The following ZNF385A variants were observed in gnomAD, a reference collection of about 807,000 sequenced individuals.
The protein encoded by ZNF385A is hematopoietic zinc finger protein.
Under a neutral mutation model 32.1 loss-of-function variants are expected in ZNF385A, and 14 were observed. The ratio of observed to expected loss-of-function variants is 0.44; its 90% CI spans 0.29 to 0.68. The LOEUF (loss-of-function observed/expected upper bound fraction) is 0.68, where lower values mean the gene tolerates loss of function less well. ZNF385A is among the 30% of genes least tolerant of loss of function. The pLI is 0.14. For synonymous variants in ZNF385A, 197 were observed against 202.7 expected, an observed-to-expected ratio of 0.97 and a Z score of 0.24; for missense variants, 406 against 478.4, an observed-to-expected ratio of 0.85 and a Z score of 1.41.
At chr12:54,388,793 C>T (rs569467253), upstream of ZNF385A, among the ~76,000 whole-genome samples, 2 of 151,662 alleles carry the variant, frequency 1.3e-5, no homozygotes, top group East Asian at 3.9e-4. Flanking sequence ...AAATTGAGGG[C>T]GGGGGTGGGA....
At chr12:54,384,993 G>A (rs1955397527), upstream of ZNF385A, 1 of 797,234 alleles carries the variant, frequency 1.3e-6, no homozygotes, top group Non-Finnish European at 1.5e-6. Context: ...AGTCAAGTGG[G>A]TGATTCATCC....
At chr12:54,384,806 C>T (rs1278403721), upstream of ZNF385A, 7 of 1,227,288 alleles carry the variant, frequency 5.7e-6, no homozygotes, top group Non-Finnish European at 7.1e-6. Flanking sequence ...CCTTTTCCAG[C>T]CTCCCTCCCC....
At chr12:54,384,175 A>G (rs1955345162) in intron 1 of ZNF385A, among the ~76,000 whole-genome samples, 1 of 152,250 alleles carries the variant, frequency 6.6e-6, no homozygotes, top group Non-Finnish European at 1.5e-5. Flanking sequence ...CTGTAGGACT[A>G]AATGAGATAA....
At chr12:54,374,163 T>C in intron 2 of ZNF385A, 28 bp from the exon 3 acceptor site, 1 of 1,478,272 alleles carries the variant, frequency 6.8e-7, no homozygotes, top group Non-Finnish European at 9.1e-7. Context: ...GAAAATGGAA[T>C]CTGAGATCAC....
chr12:54,391,246 C>T, exon 1 of ZNF385A: 1 of 1,378,520 alleles, frequency 7.3e-7, no homozygotes, highest in South Asian at 1.5e-5. Flanking sequence ...GAGGATCATG[C>T]TGGGGACCCA....
At chr12:54,375,806 C>T (rs1954818749) in intron 2 of ZNF385A, 38 bp downstream of exon 2, 1 of 1,579,662 alleles carries the variant, frequency 6.3e-7, no homozygotes, top group Non-Finnish European at 8.7e-7. Context: ...GCTGCCCCTG[C>T]CCCACCCACT....
chr12:54,389,169 G>C (rs1592276275), upstream of ZNF385A, among the ~76,000 whole-genome samples: 2 of 152,326 alleles, frequency 1.3e-5, no homozygotes, highest in East Asian at 3.9e-4. Context: ...CAGGGAACCT[G>C]AGCCCAGAAC....
rs144343816 is a variant in ZNF385A, at chr12:54,374,100, G to T, written c.234C>A (p.His78Gln). 1.3e-6 allele frequency: 2 copies of T among 1,587,336 alleles called. No homozygotes were observed. Among genetic ancestry groups the T allele is most frequent in the Admixed American group, 3.5e-5 (2 of 56,736 alleles). Residue 78 changes from histidine to glutamine, a missense_variant, in exon 3 of 7, where the codon CAC becomes CAA. His to Gln is a conservative substitution (Grantham distance 24). Transcript: ENST00000394313. ...QAEAHYKGNR[H>Q]ARRVKGIEAA... ...CCTCAATGCCTTTGACTCGTCGGGCGTGGCGATTACCTTTGTAGTGCGCCT... is the reference window on the plus strand; with the variant it reads ...CCTCAATGCCTTTGACTCGTCGGGCTTGGCGATTACCTTTGTAGTGCGCCT...
intron 1 of ZNF385A, chr12:54,379,125 G>C: frequency 1.0e-6 from 1 of 981,296 alleles, no homozygotes; most frequent in Non-Finnish European, 1.2e-6. Context: ...GGGCTGGGGG[G>C]CCGCGCCTGG....
At chr12:54,374,516 T>C (rs767058962) in intron 2 of ZNF385A, among the ~76,000 whole-genome samples, 9 of 152,156 alleles carry the variant, frequency 5.9e-5, no homozygotes, top group Non-Finnish European at 1.2e-4. Flanking sequence ...CCCAAGGCTA[T>C]GTGCCCAAGT....
upstream of ZNF385A, among the ~76,000 whole-genome samples, chr12:54,388,509 T>C (rs1029427242): frequency 1.3e-5 from 2 of 152,186 alleles, no homozygotes; most frequent in Admixed American, 6.5e-5. Flanking sequence ...AGTGGCTGCA[T>C]CTGAGTAGGA....
At chr12:54,388,367 A>G (rs917291316), upstream of ZNF385A, among the ~76,000 whole-genome samples, 2 of 152,182 alleles carry the variant, frequency 1.3e-5, no homozygotes, top group African/African-American at 4.8e-5. Flanking sequence ...ACCAGGCCAC[A>G]TCTGGCTTCC....
At chr12:54,390,774 C>T (rs1290320202) in intron 1 of ZNF385A, among the ~76,000 whole-genome samples, 1 of 151,890 alleles carries the variant, frequency 6.6e-6, no homozygotes, top group African/African-American at 2.4e-5. Context: ...TCTCCTTCCA[C>T]CCCCCACTTC....
chr12:54,384,780 G>C (rs1225358339), upstream of ZNF385A: 2 of 1,241,172 alleles, frequency 1.6e-6, no homozygotes, highest in Non-Finnish European at 2.0e-6. Flanking sequence ...TCCCTTCTGG[G>C]TGGTTTTCAC....
At chr12:54,375,473 A>G (rs1954799281) in intron 2 of ZNF385A, among the ~76,000 whole-genome samples, 1 of 152,148 alleles carries the variant, frequency 6.6e-6, no homozygotes, top group South Asian at 2.1e-4. Flanking sequence ...GGGGGAGCCA[A>G]TGACCTAACT....
chr12:54,370,418 C>A lies in ZNF385A; in HGVS notation c.939G>T (p.Ala313=), dbSNP rs1454880033. ...LAGGLLPSPL[A]VAAVMAAAAG... is the part of the protein sequence containing the mutation. The stretch of plus-strand genomic sequence containing the variant: ...CTGCCGCTGCCATCACTGCAGCCAC[C>A]GCCAGGGGGCTGGGGAGCAGGCCGC... Residue 313 remains alanine, a synonymous_variant, in exon 7 of 7, where the codon GCG becomes GCT. Transcript: ENST00000394313. The surrounding 1 kb of genome is among the most constrained non-coding windows in gnomAD (Gnocchi z 5.5). The A allele has an allele frequency of 5.2e-6, 8 of 1,546,302 alleles. No individual in the cohort carries two copies. Among genetic ancestry groups the A allele is most frequent in the Non-Finnish European group, 6.1e-6 (7 of 1,144,192 alleles).
chr12:54,371,775 T>G, intron 3 of ZNF385A, 60 bp from the exon 4 acceptor site: 5 of 1,593,670 alleles, frequency 3.1e-6, no homozygotes, highest in Non-Finnish European at 4.3e-6. Flanking sequence ...AGACTCTTCA[T>G]GTGGAAGAGA....
rs1014010408 is a variant in ZNF385A at position 54,370,485 on chromosome 12, C to T, written c.872G>A (p.Gly291Asp). The T allele has an allele frequency of 4.5e-6, 7 of 1,551,122 alleles. No individual in the cohort carries two copies. The Admixed American group carries it at 5.9e-5, about 13-fold the overall frequency. Residue 291 changes from glycine (G) to aspartate (D), a missense_variant and splice_region_variant, in exon 7 of 7, where the codon GGC becomes GAC. Coordinates refer to ENST00000394313, the MANE Select transcript of ZNF385A (RefSeq NM_015481.3). The surrounding 1 kb of genome is among the most constrained non-coding windows in gnomAD (Gnocchi z 5.5). ...KKSRGAGELA[G>D]TLTFSKELPK... ...CAGCTCCTTGGAGAAAGTCAGCGTG[C>T]CCTGAAGCGGGCGAAAGGCGGAGGA...
In ZNF385A at chr12:54,371,509, C is replaced by T. The variant is rs775716151; in HGVS notation, c.568G>A (p.Val190Met). The T allele has an allele frequency of 1.2e-6, 2 of 1,610,560 alleles. No individual in the cohort carries two copies. The highest frequency in any genetic ancestry group is 1.7e-6 in the Non-Finnish European group (2 of 1,178,404). ...GCCTCAAGCTGGGACAGGGAGTTCA[C>T]AGCCACCTTGCACAGAGCACAGTAG... The part of the protein sequence containing the change: ...LLYCALCKVA[V>M]NSLSQLEAHN... The change falls in exon 4 of 7, where the codon GTG becomes ATG. Residue 190 changes from valine to methionine, a missense_variant. Val to Met is a conservative substitution (Grantham distance 21). Transcript: ENST00000394313.
Sources: allele counts gnomAD v4.1 joint callset (sites outside exome capture counted in the v4.1 genomes callset), GRCh38; gene constraint gnomAD v4.1.1; non-coding constraint Gnocchi (gnomAD v3.1); transcripts MANE v1.5; gene names NCBI Gene and HGNC (gene_info 2026-07-23, HGNC 2026-07-21).